The following FSTL5 variants were observed in gnomAD, a reference collection of about 807,000 sequenced individuals.
FSTL5 encodes follistatin like 5.
A neutral mutation model predicts 89.1 loss-of-function variants in FSTL5; 62 were observed. The ratio of observed to expected loss-of-function variants is 0.70; its 90% confidence interval spans 0.57 to 0.86. The LOEUF (loss-of-function observed/expected upper bound fraction) is 0.86, where lower values mean the gene tolerates loss of function less well. Ranked by LOEUF, FSTL5 falls within the 40% of genes least tolerant of loss-of-function variation. The pLI is 0.00. For missense variants in FSTL5, 1,057 were observed against 1,001.6 expected (o/e 1.06, Z -0.75); for synonymous variants, 383 against 346.2 (o/e 1.11, Z -1.18).
chr4:161,795,491 GTTCC>G (rs1729606344), intron 4 of FSTL5, among the ~76,000 whole-genome samples: 1 of 151,922 alleles, frequency 6.6e-6, no homozygotes, highest in Non-Finnish European at 1.5e-5. Flanking sequence ...CAGCGGACCA[GTTCC>G]TTCCTTCCTT....
chr4:162,130,042 G>A (rs1354973294), intron 1 of FSTL5, among the ~76,000 whole-genome samples: 1 of 152,164 alleles, frequency 6.6e-6, no homozygotes, highest in Non-Finnish European at 1.5e-5. Context: ...AGTCCACATA[G>A]ATATTGAGCA....
At chr4:161,908,096 C>T (rs1416247321) in intron 4 of FSTL5, among the ~76,000 whole-genome samples, 3 of 151,644 alleles carry the variant, frequency 2.0e-5, no homozygotes, top group Admixed American at 6.6e-5. Flanking sequence ...TATCAGGGAC[C>T]AATGCTAATC....
At chr4:161,716,625 A>G (rs892511183) in intron 6 of FSTL5, among the ~76,000 whole-genome samples, 2 of 152,036 alleles carry the variant, frequency 1.3e-5, no homozygotes, top group African/African-American at 2.4e-5. Context: ...ATAAAATAAA[A>G]TAAAATAGCA....
At chr4:162,003,553 C>T (rs919885943) in intron 3 of FSTL5, among the ~76,000 whole-genome samples, 1 of 151,912 alleles carries the variant, frequency 6.6e-6, no homozygotes, top group East Asian at 1.9e-4. Flanking sequence ...AGCAAGGCAG[C>T]CAGGCAGAGA....
chr4:161,433,431 C>A (rs59764218), intron 15 of FSTL5, among the ~76,000 whole-genome samples: 13,240 of 151,952 alleles, frequency 0.087, 646 homozygotes, highest in Non-Finnish European at 0.12. Context: ...AAGCCACATA[C>A]AACAGACCCA....
intron 5 of FSTL5, among the ~76,000 whole-genome samples, chr4:161,771,528 G>T (rs553312704): frequency 6.6e-6 from 1 of 152,160 alleles, no homozygotes; most frequent in East Asian, 1.9e-4. Flanking sequence ...ACTATGTTAT[G>T]AGCATCAAAA....
Position 161,500,026 on chromosome 4 carries a change from A to G in FSTL5, c.1448T>C (p.Leu483Pro), listed in dbSNP as rs912022226. ...TTTTTAGATACTTGCCTGAAATCCA[A>G]GGAGCTTTTCACTAGGCTTAATGTG... ...QRHIKPSEKL[L>P]GFQDEVCPKA... Residue 483 changes from leucine to proline, a missense_variant, in exon 12 of 16, where the codon CTT (leucine) becomes CCT (proline). Coordinates refer to ENST00000306100, the MANE Select transcript of FSTL5 (RefSeq NM_020116.5). The G allele has an allele frequency of 6.3e-7, 1 of 1,590,594 alleles. No homozygotes were observed. Among genetic ancestry groups the G allele is most frequent in the Non-Finnish European group, 8.6e-7 (1 of 1,161,634 alleles).
At chr4:161,613,573 C>G (rs1734732213) in intron 7 of FSTL5, among the ~76,000 whole-genome samples, 1 of 151,952 alleles carries the variant, frequency 6.6e-6, no homozygotes, top group Non-Finnish European at 1.5e-5. Context: ...AGTGCAGGAC[C>G]AGGAGACAGG....
chr4:161,491,832 T>A, intron 12 of FSTL5, among the ~76,000 whole-genome samples: 1 of 123,542 alleles, frequency 8.1e-6, no homozygotes. Context: ...AGAAGGAGAC[T>A]CTGTCTCAAA....
chr4:161,920,507 T>A lies in FSTL5; in HGVS notation c.306A>T (p.Gly102=). ...GGTTTTCATAGAATTCTCCGTCAGA[T>A]CCACACACAGGTTTGTAGTGACGTT... ...LCKRHYKPVC[G]SDGEFYENHC... The change falls in exon 4 of 16, where the codon GGA becomes GGT. Residue 102 remains glycine, a synonymous_variant. Transcript: ENST00000306100. The A allele has an allele frequency of 6.2e-7, 1 of 1,614,044 alleles. No homozygotes were observed. The highest frequency in any genetic ancestry group is 8.5e-7 in the Non-Finnish European group (1 of 1,179,990).
At chr4:161,421,483 G>T (rs1272389247) in intron 15 of FSTL5, among the ~76,000 whole-genome samples, 8 of 152,138 alleles carry the variant, frequency 5.3e-5, no homozygotes, top group Non-Finnish European at 1.2e-4. Flanking sequence ...CTGGAACTTT[G>T]TTATTGCCTT....
chr4:162,053,209 C>T (rs1240933708), intron 2 of FSTL5, among the ~76,000 whole-genome samples: 1 of 151,614 alleles, frequency 6.6e-6, no homozygotes. Flanking sequence ...ATATTTTCAA[C>T]TTGTGCTCTA....
At chr4:161,685,697 A>G (rs994098439) in intron 6 of FSTL5, among the ~76,000 whole-genome samples, 1 of 152,148 alleles carries the variant, frequency 6.6e-6, no homozygotes, top group Non-Finnish European at 1.5e-5. Context: ...CAATCATATC[A>G]TTAGCAAACA....
chr4:161,883,385 TG>T (rs1732697163), intron 4 of FSTL5, among the ~76,000 whole-genome samples: 1 of 152,200 alleles, frequency 6.6e-6, no homozygotes, highest in Admixed American at 6.5e-5. Flanking sequence ...ATAATAACGA[TG>T]TATAAATTAT....
intron 2 of FSTL5, among the ~76,000 whole-genome samples, chr4:162,083,650 C>T (rs1241431449): frequency 6.6e-6 from 1 of 151,708 alleles, no homozygotes; most frequent in African/African-American, 2.4e-5. Flanking sequence ...TAGCTGGTTA[C>T]TAAATCTAGG....
At chr4:162,022,879 A>G (rs1288661132) in intron 3 of FSTL5, 4 of 152,172 alleles carry the variant, frequency 2.6e-5, no homozygotes, top group Non-Finnish European at 4.4e-5. Context: ...AAATGTGTAC[A>G]CATGGATGTA....
At chr4:162,107,102 C>T (rs1411016821) in intron 2 of FSTL5, among the ~76,000 whole-genome samples, 1 of 152,174 alleles carries the variant, frequency 6.6e-6, no homozygotes, top group African/African-American at 2.4e-5. Flanking sequence ...GCCTATGTTA[C>T]TATCACATGA....
intron 3 of FSTL5, among the ~76,000 whole-genome samples, chr4:162,014,444 G>C (rs1007798563): frequency 2.6e-5 from 4 of 152,120 alleles, no homozygotes; most frequent in African/African-American, 4.8e-5. Context: ...AATGGTGAAA[G>C]AACTTAGCTT....
chr4:161,400,629 T>C (rs1375486018), intron 15 of FSTL5, among the ~76,000 whole-genome samples: 1 of 152,106 alleles, frequency 6.6e-6, no homozygotes, highest in African/African-American at 2.4e-5. Context: ...GATAGAACTA[T>C]AAGTAAATAG....
Sources: gnomAD v4.1 joint callset for allele counts (sites outside exome capture counted in the v4.1 genomes callset) on GRCh38, gnomAD v4.1.1 for gene constraint, MANE v1.5 for transcripts, NCBI Gene and HGNC (gene_info 2026-07-23, HGNC 2026-07-21) for gene names.